ZNF469: variants seen among roughly 807,000 people sequenced by gnomAD.
ZNF469 encodes the protein zinc finger protein 469.
Under a neutral mutation model 1.0 loss-of-function variants are expected in ZNF469, and 1 was observed. That is an observed-to-expected ratio of 1.00 (90% CI 0.35 to 4.73). The LOEUF is 4.73. Ranked by LOEUF, ZNF469 falls within the 30% of genes most tolerant of loss-of-function variation. ZNF469 has a pLI of 0.16. For missense variants in ZNF469, 6,100 were observed against 5,356.3 expected (o/e 1.14, Z -4.33); for synonymous variants, 2,703 against 2,363.4 (o/e 1.14, Z -4.17).
chr16:88,215,694 T>A, the ZNF469 span, among the ~76,000 whole-genome samples: 1 of 151,622 alleles, frequency 6.6e-6, no homozygotes, highest in South Asian at 2.1e-4. Context: ...CTGGCCAGCC[T>A]TTTTTTTTAA....
chr16:88,400,237 T>C (rs1017690988), intron 1 of ZNF469, among the ~76,000 whole-genome samples: 10 of 152,224 alleles, frequency 6.6e-5, no homozygotes, highest in African/African-American at 1.9e-4. Context: ...GGTTCTGCCC[T>C]AGCTCACACG....
chr16:88,181,202 C>T, the ZNF469 span, among the ~76,000 whole-genome samples: 1 of 152,086 alleles, frequency 6.6e-6, no homozygotes, highest in Admixed American at 6.5e-5. Context: ...TCCCGAATAG[C>T]TGGGACTACA....
chr16:88,420,503 C>G (rs1905425289), intron 1 of ZNF469, among the ~76,000 whole-genome samples: 1 of 152,180 alleles, frequency 6.6e-6, no homozygotes. Context: ...CAGTGGCACT[C>G]CAGTTGGGCA....
intron 1 of ZNF469, among the ~76,000 whole-genome samples, chr16:88,419,853 G>A (rs1163630123): frequency 1.3e-5 from 2 of 152,262 alleles, no homozygotes; most frequent in African/African-American, 4.8e-5. Flanking sequence ...CCTTGGAGCT[G>A]GGATTGAGCC....
At chr16:88,279,013 A>G in the ZNF469 span, among the ~76,000 whole-genome samples, 9 of 152,000 alleles carry the variant, frequency 5.9e-5, no homozygotes, top group Admixed American at 3.3e-4. Context: ...CCATGTAGAT[A>G]TCATTAGTGC....
At chr16:88,358,242 G>A in the ZNF469 span, among the ~76,000 whole-genome samples, 8 of 152,300 alleles carry the variant, frequency 5.3e-5, no homozygotes, top group South Asian at 4.1e-4. Flanking sequence ...GACCCCCAGC[G>A]CCCAGGGGCT....
chr16:88,369,172 C>T, the ZNF469 span, among the ~76,000 whole-genome samples: 1 of 152,122 alleles, frequency 6.6e-6, no homozygotes. Flanking sequence ...GATGGTGGCC[C>T]TGCAGGCTTT....
chr16:88,357,802 C>G, the ZNF469 span, among the ~76,000 whole-genome samples: 3 of 152,270 alleles, frequency 2.0e-5, no homozygotes, highest in African/African-American at 7.2e-5. Flanking sequence ...CACTGCCTCC[C>G]AAACTGTGGT....
At chr16:88,293,825 G>T in the ZNF469 span, among the ~76,000 whole-genome samples, 1 of 152,190 alleles carries the variant, frequency 6.6e-6, no homozygotes. Context: ...GGTGGGAATT[G>T]TGGGGCATGG....
chr16:88,289,633 G>A, the ZNF469 span, among the ~76,000 whole-genome samples: 1,058 of 152,260 alleles, frequency 6.9e-3, 9 homozygotes, highest in African/African-American at 0.024. Flanking sequence ...GAGAGAGAGA[G>A]AAATGAAGTC....
rs954002151 is a variant in ZNF469, at chr16:88,427,365, C to T, written c.-106C>T. 17 of 1,198,970 alleles carry T rather than the reference C, an allele frequency of 1.4e-5. No homozygotes were observed. Among genetic ancestry groups the T allele is most frequent in the Middle Eastern group, 2.9e-4 (1 of 3,458 alleles). 74.3% of individuals were successfully genotyped at this position (1,198,970 alleles called of 1,614,324 possible). On this transcript the variant is annotated 5_prime_UTR_variant, in exon 3 of 3. Coordinates refer to ENST00000565624, the MANE Select transcript of ZNF469 (RefSeq NM_001367624.2). ...TCCAGGCTCCACTCAGGACCATGAGCGCAGGCTTCCCTGGGGCCCATCGAG... is the reference window on the plus strand; with the variant it reads ...TCCAGGCTCCACTCAGGACCATGAGTGCAGGCTTCCCTGGGGCCCATCGAG...
At chr16:88,158,949 G>C in the ZNF469 span, among the ~76,000 whole-genome samples, 3 of 152,268 alleles carry the variant, frequency 2.0e-5, no homozygotes, top group South Asian at 6.2e-4. Flanking sequence ...AGGGACCTCA[G>C]CTCCCCAGGT....
At chr16:88,366,178 A>C in the ZNF469 span, among the ~76,000 whole-genome samples, 2 of 151,204 alleles carry the variant, frequency 1.3e-5, no homozygotes, top group East Asian at 3.9e-4. Flanking sequence ...CACCACGATC[A>C]TCATCACTAT....
rs1364703200 is a variant in ZNF469 at position 88,434,476 on chromosome 16, C to T, written c.7006C>T (p.Arg2336Cys). 1.4e-5 allele frequency: 22 copies of T among 1,549,882 alleles called. No individual in the cohort carries two copies. In the African/African-American group the frequency reaches 1.8e-4, roughly 13 times the overall value. Residue 2336 changes from arginine (R) to cysteine (C), a missense_variant, in exon 3 of 3, where the codon CGC becomes TGC. By Grantham distance (180) the Arg-to-Cys change is radical. Coordinates refer to ENST00000565624, the MANE Select transcript of ZNF469 (RefSeq NM_001367624.2). ...HSSYSPSNTA[R>C]LGHREGQAVT... is the part of the protein sequence containing the mutation. ...CTCGTATTCTCCAAGCAATACTGCC[C>T]GCCTCGGCCACAGGGAGGGCCAGGC...
chr16:88,269,127 G>A, the ZNF469 span, among the ~76,000 whole-genome samples: 1 of 152,262 alleles, frequency 6.6e-6, no homozygotes. Context: ...ATGAGGAGCA[G>A]GTGAAGGTGG....
chr16:88,243,155 C>G, the ZNF469 span, among the ~76,000 whole-genome samples: 1 of 152,150 alleles, frequency 6.6e-6, no homozygotes, highest in Non-Finnish European at 1.5e-5. Flanking sequence ...AGTGAATTGT[C>G]CTTGGCTGGT....
chr16:88,125,663 A>C, the ZNF469 span, among the ~76,000 whole-genome samples: 1 of 152,244 alleles, frequency 6.6e-6, no homozygotes, highest in African/African-American at 2.4e-5. Flanking sequence ...TTGTAAAAGG[A>C]GAAGGATTTA....
rs1905929638 is a variant in ZNF469, at chr16:88,429,141, G to A, written c.1671G>A (p.Gly557=). 1 of 1,549,890 alleles carries A rather than the reference G, an allele frequency of 6.5e-7. No homozygotes were observed. The highest frequency in any genetic ancestry group is 8.7e-7 in the Non-Finnish European group (1 of 1,146,842). Residue 557 remains glycine (G), a synonymous_variant, in exon 3 of 3, where the codon GGG becomes GGA. Transcript: ENST00000565624. The part of the protein sequence containing the change: ...LFTYNGMTDP[G]AQPLFFGVAQ... ...CCTACAACGGAATGACAGACCCTGG[G>A]GCTCAGCCCCTGTTCTTCGGGGTGG...
chr16:88,244,310 T>C, the ZNF469 span, among the ~76,000 whole-genome samples: 2 of 151,048 alleles, frequency 1.3e-5, no homozygotes, highest in African/African-American at 4.9e-5. Flanking sequence ...GGTGAGTGGA[T>C]GGTTGGATGG....
Sources: allele counts gnomAD v4.1 joint callset (sites outside exome capture counted in the v4.1 genomes callset), GRCh38; gene constraint gnomAD v4.1.1; transcripts MANE v1.5; gene names NCBI Gene and HGNC (gene_info 2026-07-23, HGNC 2026-07-21).